The following WASHC5 variants were observed in gnomAD, a reference collection of about 807,000 sequenced individuals.
WASHC5 encodes the protein WASH complex subunit strumpellin.
WASHC5 carries 101 observed loss-of-function variants against 150.4 expected under a neutral mutation model. The observed-to-expected ratio is 0.67, with a 90% confidence interval of 0.57 to 0.79. The LOEUF (loss-of-function observed/expected upper bound fraction) is 0.79, where lower values mean the gene tolerates loss of function less well. WASHC5 is among the 30% of genes least tolerant of loss of function. WASHC5 has a pLI of 0.00. For synonymous variants in WASHC5, 467 were observed against 491.2 expected (o/e 0.95, Z 0.65); for missense variants, 1,195 against 1,396.3 (o/e 0.86, Z 2.30).
chr8:125,069,130 T>C (rs1210073071), intron 9 of WASHC5, among the ~76,000 whole-genome samples: 1 of 151,768 alleles, frequency 6.6e-6, no homozygotes, highest in Non-Finnish European at 1.5e-5. Flanking sequence ...TCCACCCTCA[T>C]GAATGGATTA....
At chr8:125,041,900 G>T (rs957850542) in intron 23 of WASHC5, among the ~76,000 whole-genome samples, 7 of 152,070 alleles carry the variant, frequency 4.6e-5, no homozygotes, top group Non-Finnish European at 1.0e-4. Context: ...GGTTCTTTCA[G>T]GCCACATAAA....
At chr8:125,088,404 G>A (rs1351614517) in intron 1 of WASHC5, among the ~76,000 whole-genome samples, 6 of 143,282 alleles carry the variant, frequency 4.2e-5, no homozygotes, top group Non-Finnish European at 9.1e-5. Context: ...CAGCCTGGGT[G>A]ACAGAGTGAG....
chr8:125,048,653 T>C (rs908510942), intron 19 of WASHC5, among the ~76,000 whole-genome samples: 1 of 152,228 alleles, frequency 6.6e-6, no homozygotes, highest in Non-Finnish European at 1.5e-5. Context: ...AAGTTAAGCA[T>C]AGAACTACCC....
chr8:125,072,882 A>G (rs1294999349), intron 9 of WASHC5, among the ~76,000 whole-genome samples: 1 of 151,992 alleles, frequency 6.6e-6, no homozygotes, highest in African/African-American at 2.4e-5. Context: ...TCTACATTTG[A>G]TCTCCCCATT....
intron 1 of WASHC5, among the ~76,000 whole-genome samples, chr8:125,089,432 A>G (rs1015819937): frequency 6.6e-6 from 1 of 152,228 alleles, no homozygotes; most frequent in African/African-American, 2.4e-5. Context: ...TAATGTTTTA[A>G]GCAAGTTTAC....
rs546622225 is a variant in WASHC5 at position 125,069,305 on chromosome 8, A to G, written c.1151-1586T>C. Among the ~76,000 whole-genome samples, 3 of 152,372 alleles carry G rather than the reference A, an allele frequency of 2.0e-5. No individual in the cohort carries two copies. In the East Asian group the frequency reaches 5.8e-4, roughly 29 times the overall value. Reference sequence around the variant, plus strand: ...GGACTTCCCAGCCTCCAGAACCATGAGCCAAATAAACTTCTTTATACATTT... The same window carrying G: ...GGACTTCCCAGCCTCCAGAACCATGGGCCAAATAAACTTCTTTATACATTT... On this transcript the variant is annotated intron_variant, in intron 9 of 28. Coordinates refer to ENST00000318410, the MANE Select transcript of WASHC5 (RefSeq NM_014846.4).
At chr8:125,053,824 C>G (rs924031092) in intron 17 of WASHC5, among the ~76,000 whole-genome samples, 6 of 152,128 alleles carry the variant, frequency 3.9e-5, no homozygotes, top group Middle Eastern at 3.4e-3. Flanking sequence ...CCATAACATT[C>G]CAAATTAAAA....
intron 1 of WASHC5, among the ~76,000 whole-genome samples, chr8:125,087,142 A>G (rs1423528100): frequency 6.6e-6 from 1 of 152,224 alleles, no homozygotes; most frequent in Non-Finnish European, 1.5e-5. Flanking sequence ...CTAACAGTAC[A>G]AGTTGTCAAT....
intron 27 of WASHC5, among the ~76,000 whole-genome samples, chr8:125,030,448 G>T (rs574107892): frequency 7.9e-5 from 12 of 152,124 alleles, no homozygotes; most frequent in Non-Finnish European, 1.5e-4. Flanking sequence ...TTTGTTGTTC[G>T]ATTCATTAAC....
At chr8:125,064,997 G>A (rs1471503219) in intron 10 of WASHC5, among the ~76,000 whole-genome samples, 1 of 152,196 alleles carries the variant, frequency 6.6e-6, no homozygotes, top group Non-Finnish European at 1.5e-5. Flanking sequence ...ATTTGATAAT[G>A]GCAAAGCAAC....
intron 27 of WASHC5, among the ~76,000 whole-genome samples, chr8:125,031,710 A>G (rs1351231638): frequency 6.6e-6 from 1 of 152,106 alleles, no homozygotes; most frequent in Non-Finnish European, 1.5e-5. Flanking sequence ...TTTTTTCTTT[A>G]TCCCAGAAAA....
intron 17 of WASHC5, among the ~76,000 whole-genome samples, chr8:125,054,582 C>T (rs537600495): frequency 6.6e-6 from 1 of 152,224 alleles, no homozygotes; most frequent in South Asian, 2.1e-4. Context: ...GCCTGTAATC[C>T]CAGCACTTTG....
In WASHC5 at chr8:125,056,619, A is replaced by G; in HGVS notation, c.2016+58T>C. On this transcript the variant is annotated intron_variant, in intron 16 of 28. Transcript: ENST00000318410. ...ATATGGCAGGTGACACAGGCCTGTG[A>G]TATTTCATGACTGTTAGTTTTTAAT... 4 of 1,601,916 alleles carry G rather than the reference A, an allele frequency of 2.5e-6. 1 individual carries two copies. In the South Asian group the frequency reaches 3.3e-5, roughly 13 times the overall value.
At chr8:125,090,711 T>A (rs1173064514) in intron 1 of WASHC5, among the ~76,000 whole-genome samples, 1 of 152,218 alleles carries the variant, frequency 6.6e-6, no homozygotes, top group Non-Finnish European at 1.5e-5. Flanking sequence ...GAAATCGAAT[T>A]GTCGTGGACA....
Position 125,047,261 on chromosome 8 carries a change from G to C in WASHC5, c.2450C>G (p.Ser817Cys), listed in dbSNP as rs764254285. 1.2e-6 allele frequency: 2 copies of C among 1,613,978 alleles called. No individual in the cohort carries two copies. The highest frequency in any genetic ancestry group is 2.2e-5 in the East Asian group (1 of 44,886). The change falls in exon 20 of 29, where the codon TCT becomes TGT. Residue 817 changes from serine to cysteine, a missense_variant. Physicochemically the swap from Ser to Cys is moderately radical, Grantham distance 112 (BLOSUM62 -1). This residue lies in a region of WASHC5 where 997 missense variants were observed against 1,168.1 expected (regional missense o/e 0.85). Transcript: ENST00000318410. ...PIPKFTPVDE[S>C]VTFIGRLCRE... ...GCAGAGTCGACCAATAAACGTTACAGACTCATCCACAGGGGTAAACTTGGG... is the reference window on the plus strand; with the variant it reads ...GCAGAGTCGACCAATAAACGTTACACACTCATCCACAGGGGTAAACTTGGG...
chr8:125,066,964 C>T (rs145535165), intron 10 of WASHC5, among the ~76,000 whole-genome samples: 3 of 152,316 alleles, frequency 2.0e-5, no homozygotes, highest in East Asian at 3.9e-4. Flanking sequence ...TGGAGAACTA[C>T]ATTCCTTTCC....
chr8:125,067,225 C>T (rs1012487931), intron 10 of WASHC5, among the ~76,000 whole-genome samples: 2 of 152,130 alleles, frequency 1.3e-5, no homozygotes, highest in Non-Finnish European at 2.9e-5. Flanking sequence ...AGCCTGCTGG[C>T]CAGGCTGATC....
chr8:125,081,236 C>CTTTTTT (rs35035456), intron 5 of WASHC5, among the ~76,000 whole-genome samples: 2 of 129,150 alleles, frequency 1.5e-5, no homozygotes, highest in Non-Finnish European at 3.2e-5. Context: ...AAGAATCTTA[C>CTTTTTT]TTTTTTTTTT....
At chr8:125,030,152 G>A (rs1468950293) in intron 27 of WASHC5, among the ~76,000 whole-genome samples, 1 of 152,186 alleles carries the variant, frequency 6.6e-6, no homozygotes, top group Non-Finnish European at 1.5e-5. Context: ...AGAAGAACCT[G>A]TCCAAGTTGA....
Sources: gnomAD v4.1 joint callset for allele counts (sites outside exome capture counted in the v4.1 genomes callset) on GRCh38, gnomAD v4.1.1 for gene constraint, gnomAD v4.1.1 regional missense constraint, MANE v1.5 for transcripts, NCBI Gene and HGNC (gene_info 2026-07-23, HGNC 2026-07-21) for gene names.